Variants in PTPRD observed in about 807,000 individuals in gnomAD.
The protein encoded by PTPRD is protein tyrosine phosphatase receptor type D.
A neutral mutation model predicts 214.5 loss-of-function variants in PTPRD; 34 were observed. The observed-to-expected ratio is 0.16, with a 90% CI of 0.12 to 0.21. The LOEUF (loss-of-function observed/expected upper bound fraction) is 0.21, where lower values mean the gene tolerates loss of function less well. Ranked by LOEUF, PTPRD falls within the 10% of genes least tolerant of loss-of-function variation. The pLI is 1.00. For synonymous variants in PTPRD, 1,128 were observed against 845.7 expected, an observed-to-expected ratio of 1.33 and a Z score of -5.79; for missense variants, 2,545 against 2,398.7, an observed-to-expected ratio of 1.06 and a Z score of -1.27.
chr9:8,838,247 T>TAA (rs150807119), intron 11 of PTPRD, among the ~76,000 whole-genome samples: 13,998 of 147,286 alleles, frequency 0.095, 697 homozygotes, highest in South Asian at 0.17. Flanking sequence ...GACTTCAAAT[T>TAA]AAAAAAAAAA....
chr9:8,441,295 T>G (rs56366117), intron 34 of PTPRD, among the ~76,000 whole-genome samples: 49,119 of 151,846 alleles, frequency 0.32, 9,334 homozygotes, highest in Non-Finnish European at 0.41. Flanking sequence ...TCACTCATCT[T>G]TAGGGCTAGT....
intron 5 of PTPRD, among the ~76,000 whole-genome samples, chr9:9,898,995 A>C (rs1459721922): frequency 6.6e-6 from 1 of 152,120 alleles, no homozygotes; most frequent in Non-Finnish European, 1.5e-5. Flanking sequence ...AATCCCCAAA[A>C]AACTACCAAA....
chr9:9,386,686 A>G (rs1041405623), intron 9 of PTPRD, among the ~76,000 whole-genome samples: 2 of 152,166 alleles, frequency 1.3e-5, no homozygotes, highest in Non-Finnish European at 2.9e-5. Context: ...AAACCTTCAC[A>G]TGTACATAAA....
At chr9:9,486,466 T>C (rs1379223749) in intron 8 of PTPRD, among the ~76,000 whole-genome samples, 1 of 152,190 alleles carries the variant, frequency 6.6e-6, no homozygotes. Flanking sequence ...AATTCCCTTC[T>C]TGAAATATTT....
intron 3 of PTPRD, among the ~76,000 whole-genome samples, chr9:10,164,628 T>C (rs2099148099): frequency 1.3e-5 from 2 of 151,612 alleles, no homozygotes; most frequent in African/African-American, 2.4e-5. Flanking sequence ...TCCTTATAAA[T>C]CTAGAATTAA....
intron 4 of PTPRD, among the ~76,000 whole-genome samples, chr9:9,980,684 C>T (rs1346433457): frequency 8.3e-6 from 1 of 120,254 alleles, no homozygotes; most frequent in African/African-American, 3.0e-5. Context: ...AAAAAAGTCT[C>T]TGAAAGCTTC....
chr9:8,925,294 T>C (rs1229454049), intron 11 of PTPRD, among the ~76,000 whole-genome samples: 1 of 152,066 alleles, frequency 6.6e-6, no homozygotes, highest in Non-Finnish European at 1.5e-5. Flanking sequence ...GGTGCTCTTA[T>C]AGGCAGGGAT....
intron 9 of PTPRD, among the ~76,000 whole-genome samples, chr9:9,283,510 T>C (rs1367492118): frequency 6.6e-6 from 1 of 151,378 alleles, no homozygotes; most frequent in Non-Finnish European, 1.5e-5. Context: ...ACAGAAAGTA[T>C]CCAACTGCTA....
intron 9 of PTPRD, among the ~76,000 whole-genome samples, chr9:9,344,206 C>G (rs1596101381): frequency 6.6e-6 from 1 of 152,036 alleles, no homozygotes; most frequent in African/African-American, 2.4e-5. Flanking sequence ...AAACCATCAT[C>G]CTCAACAAAC....
chr9:10,470,988 G>A (rs1230280891), intron 2 of PTPRD, among the ~76,000 whole-genome samples: 2 of 152,096 alleles, frequency 1.3e-5, no homozygotes, highest in Admixed American at 6.6e-5. Flanking sequence ...ATGAGTTCAC[G>A]TCCTTTGCAG....
intron 2 of PTPRD, among the ~76,000 whole-genome samples, chr9:10,505,825 T>G (rs1393233222): frequency 6.6e-6 from 1 of 151,970 alleles, no homozygotes; most frequent in Non-Finnish European, 1.5e-5. Flanking sequence ...AAATTATTCA[T>G]AACAGAATTA....
intron 8 of PTPRD, among the ~76,000 whole-genome samples, chr9:9,410,091 C>A (rs2074889907): frequency 6.6e-6 from 1 of 152,022 alleles, no homozygotes; most frequent in Admixed American, 6.6e-5. Flanking sequence ...CACTAAGCAG[C>A]CTTATACAAA....
At chr9:9,792,769 T>C (rs1428645950) in intron 5 of PTPRD, among the ~76,000 whole-genome samples, 3 of 152,130 alleles carry the variant, frequency 2.0e-5, no homozygotes, top group Admixed American at 6.5e-5. Context: ...TCTCAACTGT[T>C]TATTAAGAGC....
At chr9:10,140,041 C>T (rs755861417) in intron 3 of PTPRD, among the ~76,000 whole-genome samples, 7 of 151,892 alleles carry the variant, frequency 4.6e-5, no homozygotes, top group Admixed American at 4.6e-4. Context: ...ACAAGTGGGG[C>T]CTAACTAAAT....
At chr9:9,486,184 A>AAAAC in intron 8 of PTPRD, among the ~76,000 whole-genome samples, 2 of 135,522 alleles carry the variant, frequency 1.5e-5, no homozygotes, top group East Asian at 4.0e-4. Flanking sequence ...AAAAAAAAAA[A>AAAAC]AGCCTTCCCT....
chr9:9,831,266 G>A (rs948585783), intron 5 of PTPRD, among the ~76,000 whole-genome samples: 1 of 151,958 alleles, frequency 6.6e-6, no homozygotes, highest in Non-Finnish European at 1.5e-5. Context: ...CTGAAACCTA[G>A]AGACATTTTT....
At chr9:8,658,671 G>GAAAAAA (rs35547116) in intron 12 of PTPRD, among the ~76,000 whole-genome samples, 1 of 122,146 alleles carries the variant, frequency 8.2e-6, no homozygotes, top group Non-Finnish European at 1.8e-5. Flanking sequence ...AGCACATTTG[G>GAAAAAA]AAAAAAAAAA....
chr9:9,530,969 C>T (rs900745673), intron 8 of PTPRD, among the ~76,000 whole-genome samples: 1 of 152,066 alleles, frequency 6.6e-6, no homozygotes, highest in African/African-American at 2.4e-5. Flanking sequence ...GTTTTAATGT[C>T]TGATAGTAGA....
chr9:9,253,995 T>G (rs914762738), intron 9 of PTPRD, among the ~76,000 whole-genome samples: 8 of 152,110 alleles, frequency 5.3e-5, no homozygotes, highest in African/African-American at 1.7e-4. Context: ...GTCTTCACAT[T>G]GCCTTCTCCT....
Sources: allele counts gnomAD v4.1 joint callset (sites outside exome capture counted in the v4.1 genomes callset), GRCh38; gene constraint gnomAD v4.1.1; transcripts MANE v1.5; gene names NCBI Gene and HGNC (gene_info 2026-07-23, HGNC 2026-07-21).